The following TIMM9 variants were observed in gnomAD, a reference collection of about 807,000 sequenced individuals.
TIMM9 encodes the protein translocase of inner mitochondrial membrane 9, also known as mitochondrial import inner membrane translocase subunit Tim9.
Under a neutral mutation model 13.4 loss-of-function variants are expected in TIMM9, and 10 were observed. The observed-to-expected ratio is 0.75, with a 90% CI of 0.46 to 1.26. TIMM9 has a LOEUF of 1.26. TIMM9 is among the 50% of genes most tolerant of loss of function. The probability of loss-of-function intolerance (pLI) is 0.00; values close to 1 mark genes in which losing one functional copy is unlikely to be tolerated. For synonymous variants in TIMM9, 32 were observed against 32.1 expected (o/e 1.00, Z 0.01); for missense variants, 87 against 100.8 (o/e 0.86, Z 0.58).
At chr14:58,411,248 G>A (rs2036205347) in intron 4 of TIMM9, among the ~76,000 whole-genome samples, 2 of 152,186 alleles carry the variant, frequency 1.3e-5, no homozygotes, top group Non-Finnish European at 2.9e-5. Flanking sequence ...AGGAGTTCGA[G>A]ACCAGCCTGG....
chr14:58,419,624 G>A (rs113515464), intron 3 of TIMM9, among the ~76,000 whole-genome samples: 1 of 152,082 alleles, frequency 6.6e-6, no homozygotes, highest in Non-Finnish European at 1.5e-5. Context: ...TGGATTGGGG[G>A]GCCAGGCATG....
intron 3 of TIMM9, among the ~76,000 whole-genome samples, chr14:58,415,785 T>C (rs2036385777): frequency 6.6e-6 from 1 of 151,926 alleles, no homozygotes; most frequent in Admixed American, 6.6e-5. Flanking sequence ...GTAGTAAAAG[T>C]AGTGGAAGAA....
intron 3 of TIMM9, among the ~76,000 whole-genome samples, chr14:58,419,143 A>G (rs945170140): frequency 1.3e-5 from 2 of 152,106 alleles, no homozygotes; most frequent in Admixed American, 6.6e-5. Flanking sequence ...AAAGAATCTA[A>G]TAACAGATTA....
At chr14:58,423,916 A>G (rs1001364294) in intron 3 of TIMM9, 92 bp downstream of exon 3, 6 of 152,212 alleles carry the variant, frequency 3.9e-5, no homozygotes, top group African/African-American at 1.4e-4. Context: ...AATGATTACA[A>G]TGATGCTGTT....
intron 3 of TIMM9, among the ~76,000 whole-genome samples, chr14:58,420,279 A>G (rs1252001414): frequency 1.3e-5 from 2 of 152,234 alleles, no homozygotes; most frequent in Admixed American, 6.5e-5. Context: ...GAAAAGCTAC[A>G]GACCAGGAGG....
chr14:58,418,248 A>G (rs529819279), intron 3 of TIMM9, among the ~76,000 whole-genome samples: 2 of 152,360 alleles, frequency 1.3e-5, no homozygotes, highest in South Asian at 4.1e-4. Flanking sequence ...ATTGATGCAG[A>G]AAAAGTATCT....
At chr14:58,417,136 A>C (rs1334530614) in intron 3 of TIMM9, among the ~76,000 whole-genome samples, 2 of 152,084 alleles carry the variant, frequency 1.3e-5, no homozygotes, top group African/African-American at 2.4e-5. Flanking sequence ...GTAAGATGTG[A>C]CTTGCTCCTC....
At chr14:58,422,093 A>G (rs1057438944) in intron 3 of TIMM9, among the ~76,000 whole-genome samples, 1 of 150,712 alleles carries the variant, frequency 6.6e-6, no homozygotes, top group African/African-American at 2.4e-5. Context: ...ACCCGAGGTC[A>G]GAGAGACAGA....
rs2036242478 is a variant in TIMM9, at chr14:58,412,181, T to C, written c.-26-210A>G. 7.1e-6 allele frequency: 3 copies of C among 422,998 alleles called. No individual in the cohort carries two copies. The Admixed American group carries it at 1.1e-4, about 16-fold the overall frequency. The allele number at this position is 422,998 out of a possible 1,614,324, so 26.2% of individuals were successfully genotyped here. A position where few individuals can be genotyped will look rare whatever the true frequency, so the allele number is the denominator to read the frequency against. On this transcript the variant is annotated intron_variant, in intron 3 of 5. Coordinates refer to ENST00000395159, the MANE Select transcript of TIMM9 (RefSeq NM_012460.4). ...TTTTTTGAGACGGAGTCTCACTCTG[T>C]CACCAGGCTGGAGCGCAGTGGCGCC...
At chr14:58,418,016 G>A (rs2036470650) in intron 3 of TIMM9, among the ~76,000 whole-genome samples, 1 of 151,814 alleles carries the variant, frequency 6.6e-6, no homozygotes, top group African/African-American at 2.4e-5. Flanking sequence ...GGCAAAGACA[G>A]TACAAAAAAG....
In TIMM9 at chr14:58,408,738, G is replaced by A. The variant is rs745562759; in HGVS notation, c.*296C>T. On this transcript the variant is annotated 3_prime_UTR_variant, in exon 6 of 6. Coordinates refer to ENST00000395159, the MANE Select transcript of TIMM9 (RefSeq NM_012460.4). ...CACATAAGTTGCTTTAAAATTAACA[G>A]TCACAATTGAAGAAACAATGGTTTA... 1 of 759,182 alleles carries A rather than the reference G, an allele frequency of 1.3e-6. No homozygotes were observed. Among genetic ancestry groups the A allele is most frequent in the Middle Eastern group, 3.0e-4 (1 of 3,318 alleles). The allele number at this position is 759,182 out of a possible 1,614,324, so 47.0% of individuals were successfully genotyped here.
chr14:58,412,303 A>G (rs1025045240), intron 3 of TIMM9, among the ~76,000 whole-genome samples: 4 of 152,130 alleles, frequency 2.6e-5, no homozygotes, highest in African/African-American at 9.7e-5. Context: ...CACCATGCCC[A>G]GCTAATTTTT....
Position 58,408,949 on chromosome 14 carries a change from CA to C in TIMM9, c.*84del, listed in dbSNP as rs1355711788. On this transcript the variant is annotated 3_prime_UTR_variant, in exon 6 of 6. Transcript: ENST00000395159. ...GGTTGAACATGGTGGCTACTGCTTT[CA>C]GGGGATTCTATCAGATGAGTCCTCA... 1 of 1,533,198 alleles carries C rather than the reference CA, an allele frequency of 6.5e-7. No homozygotes were observed. Among genetic ancestry groups the C allele is most frequent in the African/African-American group, 1.4e-5 (1 of 71,622 alleles). 95.0% of individuals were successfully genotyped at this position (1,533,198 alleles called of 1,614,324 possible).
At chr14:58,417,360 G>A (rs2036445402) in intron 3 of TIMM9, among the ~76,000 whole-genome samples, 2 of 151,940 alleles carry the variant, frequency 1.3e-5, no homozygotes, top group South Asian at 4.2e-4. Flanking sequence ...AAGAAAAGTA[G>A]CTGGGCATGG....
At chr14:58,416,120 C>T (rs2036401431) in intron 3 of TIMM9, among the ~76,000 whole-genome samples, 1 of 151,488 alleles carries the variant, frequency 6.6e-6, no homozygotes, top group African/African-American at 2.4e-5. Flanking sequence ...CCCAGCTACT[C>T]AGGTGGCTGA....
chr14:58,408,598 A>T lies in TIMM9; in HGVS notation c.*436T>A, dbSNP rs749170444. The T allele has an allele frequency of 7.4e-6, 12 of 1,611,888 alleles. No individual in the cohort carries two copies. Among genetic ancestry groups the T allele is most frequent in the Non-Finnish European group, 1.0e-5 (12 of 1,178,140 alleles). On this transcript the variant is annotated 3_prime_UTR_variant, in exon 6 of 6. Transcript: ENST00000395159. ...TCCTGATTGAAAAACATTTCAACGT[A>T]TCCACAGTCCAGTGAGAATACTATG...
chr14:58,424,271 T>TA (rs905569029), intron 2 of TIMM9, among the ~76,000 whole-genome samples, 176 bp from the exon 3 acceptor site: 17 of 152,022 alleles, frequency 1.1e-4, no homozygotes, highest in Non-Finnish European at 2.2e-4. Context: ...GTGTTACTAT[T>TA]AAAAAAAATA....
At position 58,408,903 on chromosome 14, in the gene TIMM9, T is replaced by G. The variant is rs1834647177; in HGVS notation, c.*131A>C. 7.3e-7 allele frequency: 1 copy of G among 1,361,640 alleles called. No individual in the cohort carries two copies. The highest frequency in any genetic ancestry group is 1.5e-5 in the African/African-American group (1 of 67,676). The allele number at this position is 1,361,640 out of a possible 1,614,324, so 84.3% of individuals were successfully genotyped here. The stretch of plus-strand genomic sequence containing the variant: ...TTTTGTTTCTCCAGCGGTTTCCATT[T>G]GCCAAACAGTCATGACAGATGGTTG... On this transcript the variant is annotated 3_prime_UTR_variant, in exon 6 of 6. Transcript: ENST00000395159.
At chr14:58,425,173 G>A (rs1048427524) in intron 2 of TIMM9, among the ~76,000 whole-genome samples, 3 of 152,194 alleles carry the variant, frequency 2.0e-5, no homozygotes, top group African/African-American at 4.8e-5. Flanking sequence ...CACTTTGGGA[G>A]GCTGAGGTGG....
Sources: gnomAD v4.1 joint callset for allele counts (sites outside exome capture counted in the v4.1 genomes callset) on GRCh38, gnomAD v4.1.1 for gene constraint, MANE v1.5 for transcripts, NCBI Gene and HGNC (gene_info 2026-07-23, HGNC 2026-07-21) for gene names.